TNR: variants seen among roughly 807,000 people sequenced by gnomAD.
TNR encodes the protein tenascin-R.
TNR carries 45 observed loss-of-function variants against 150.4 expected under a neutral mutation model. The ratio of observed to expected loss-of-function variants is 0.30; its 90% confidence interval spans 0.24 to 0.38. TNR has a LOEUF of 0.38. Ranked by LOEUF, TNR falls within the 10% of genes least tolerant of loss-of-function variation. The pLI is 1.00. For missense variants in TNR, 1,544 were observed against 1,759.1 expected (o/e 0.88, Z 2.19); for synonymous variants, 687 against 678.4 (o/e 1.01, Z -0.20).
At chr1:175,568,399 G>A (rs1302072246) in intron 1 of TNR, among the ~76,000 whole-genome samples, 1 of 151,982 alleles carries the variant, frequency 6.6e-6, no homozygotes, top group African/African-American at 2.4e-5. Context: ...AAGCTTTGTG[G>A]GCATTCCTCG....
intron 1 of TNR, among the ~76,000 whole-genome samples, chr1:175,718,116 G>C (rs1667202417): frequency 1.3e-5 from 2 of 152,194 alleles, no homozygotes; most frequent in South Asian, 4.1e-4. Flanking sequence ...TTTTTCAAGA[G>C]AGGGGCATGA....
At chr1:175,403,838 C>T (rs775857617) in intron 3 of TNR, among the ~76,000 whole-genome samples, 17 of 152,338 alleles carry the variant, frequency 1.1e-4, no homozygotes, top group Middle Eastern at 3.4e-3. Flanking sequence ...TGAATGAGAT[C>T]TGGGCCCTTG....
At chr1:175,541,342 G>T (rs1010737107) in intron 1 of TNR, among the ~76,000 whole-genome samples, 2 of 152,216 alleles carry the variant, frequency 1.3e-5, no homozygotes, top group Admixed American at 1.3e-4. Flanking sequence ...GCAGCTCCCT[G>T]CCCCTATGGC....
At chr1:175,404,229 G>C (rs1051591971) in intron 3 of TNR, among the ~76,000 whole-genome samples, 2 of 152,140 alleles carry the variant, frequency 1.3e-5, no homozygotes, top group Admixed American at 6.5e-5. Context: ...ATTTTGTGAG[G>C]GACCTAAGGA....
intron 1 of TNR, among the ~76,000 whole-genome samples, chr1:175,680,286 G>C (rs573848301): frequency 6.6e-6 from 1 of 152,284 alleles, no homozygotes; most frequent in African/African-American, 2.4e-5. Flanking sequence ...CTGCAGCTGA[G>C]AGTCTCAGAA....
chr1:175,654,998 A>G (rs1170889693), intron 1 of TNR, among the ~76,000 whole-genome samples: 1 of 152,190 alleles, frequency 6.6e-6, no homozygotes, highest in Non-Finnish European at 1.5e-5. Context: ...CTGGGATTAC[A>G]GGCGTGAGCC....
intron 1 of TNR, among the ~76,000 whole-genome samples, chr1:175,720,039 C>T (rs1161050256): frequency 1.3e-5 from 2 of 152,206 alleles, no homozygotes; most frequent in African/African-American, 4.8e-5. Flanking sequence ...CTGTTTCCAG[C>T]ACTGTCTCAC....
intron 1 of TNR, among the ~76,000 whole-genome samples, chr1:175,546,553 T>G (rs1452460892): frequency 6.6e-6 from 1 of 152,164 alleles, no homozygotes; most frequent in Non-Finnish European, 1.5e-5. Context: ...CAGAGTTGCT[T>G]TTCAGCGCTC....
At chr1:175,633,660 G>A (rs1419282573) in intron 1 of TNR, among the ~76,000 whole-genome samples, 6 of 152,128 alleles carry the variant, frequency 3.9e-5, no homozygotes, top group African/African-American at 1.2e-4. Flanking sequence ...GTGAATGGAT[G>A]GCCTCTTAGT....
chr1:175,492,807 T>C (rs1658318764), intron 2 of TNR, among the ~76,000 whole-genome samples: 1 of 152,174 alleles, frequency 6.6e-6, no homozygotes, highest in African/African-American at 2.4e-5. Flanking sequence ...TACATGGGGT[T>C]CATTGACAAT....
rs1245918016 is a variant in TNR, at chr1:175,323,432, G to A, written c.4002C>T (p.Pro1334=). 4 of 1,614,118 alleles carry A rather than the reference G, an allele frequency of 2.5e-6. No individual in the cohort carries two copies. Among genetic ancestry groups the A allele is most frequent in the East Asian group, 2.2e-5 (1 of 44,880 alleles). ...YHWKGHEFSI[P]FVEMKMRPYN... ...AGGGGCGCATCTTCATTTCCACAAA[G>A]GGGATGGAGAACTCATGGCCTTTCC... Residue 1334 remains proline (P), a synonymous_variant, in exon 23 of 23, where the codon CCC becomes CCT. Coordinates refer to ENST00000367674, the MANE Select transcript of TNR (RefSeq NM_003285.3).
chr1:175,660,101 G>A (rs1180295978), intron 1 of TNR, among the ~76,000 whole-genome samples: 1 of 152,076 alleles, frequency 6.6e-6, no homozygotes, highest in African/African-American at 2.4e-5. Context: ...TGACTTCAAA[G>A]CAGTGTCATC....
Position 175,324,525 on chromosome 1 carries a change from A to AAAAAGATAC in TNR, c.3794-15_3794-7dup, listed in dbSNP as rs770802626. ...ATGATAGCTGAGGGAGTCCCCTGCA[A>AAAAAGATAC]AAAAGATACATTCATTAGGCTGTCC... On this transcript the variant is annotated splice_region_variant and splice_polypyrimidine_tract_variant and intron_variant, in intron 21 of 22. Transcript: ENST00000367674. The AAAAAGATAC allele has an allele frequency of 6.2e-7, 1 of 1,613,180 alleles. No homozygotes were observed. Among genetic ancestry groups the AAAAAGATAC allele is most frequent in the Admixed American group, 1.7e-5 (1 of 59,944 alleles).
intron 1 of TNR, among the ~76,000 whole-genome samples, chr1:175,664,722 T>C (rs1464933475): frequency 6.6e-6 from 1 of 152,202 alleles, no homozygotes; most frequent in Non-Finnish European, 1.5e-5. Context: ...AATGAAAGAT[T>C]CAGGTTAGAA....
chr1:175,401,202 T>C (rs1012713671), intron 4 of TNR, among the ~76,000 whole-genome samples: 40 of 152,196 alleles, frequency 2.6e-4, no homozygotes, highest in Admixed American at 1.2e-3. Flanking sequence ...GATCAAGATT[T>C]TGTTTGCAAA....
At chr1:175,589,472 C>A (rs1662707688) in intron 1 of TNR, among the ~76,000 whole-genome samples, 1 of 152,156 alleles carries the variant, frequency 6.6e-6, no homozygotes, top group African/African-American at 2.4e-5. Flanking sequence ...CTCCCTGACT[C>A]TCATTTGATA....
Position 175,474,225 on chromosome 1 carries a change from C to T in TNR, c.-64+54044G>A, listed in dbSNP as rs112478172. Among the ~76,000 whole-genome samples the T allele has an allele frequency of 2.5e-3, 384 of 152,196 alleles. 3 individuals carry two copies. Among genetic ancestry groups the T allele is most frequent in the African/African-American group, 8.9e-3 (371 of 41,528 alleles). The stretch of plus-strand genomic sequence containing the variant: ...CCAAATTCCTAGGTTGAAGTCCTAA[C>T]TCTCAGAACCTCAGAATTTGACCAT... On this transcript the variant is annotated intron_variant, in intron 2 of 22. Transcript: ENST00000367674.
intron 2 of TNR, among the ~76,000 whole-genome samples, chr1:175,424,836 GT>G (rs1654901989): frequency 1.3e-5 from 2 of 152,242 alleles, no homozygotes; most frequent in Middle Eastern, 3.4e-3. Flanking sequence ...GTGGAGCACA[GT>G]AACCACTGGC....
intron 7 of TNR, among the ~76,000 whole-genome samples, chr1:175,387,270 CTTG>C (rs1652982663): frequency 6.6e-6 from 1 of 152,228 alleles, no homozygotes; most frequent in Admixed American, 6.5e-5. Context: ...CCAACATGCT[CTTG>C]CCTCCATGTT....
Sources: gnomAD v4.1 joint callset for allele counts (sites outside exome capture counted in the v4.1 genomes callset) on GRCh38, gnomAD v4.1.1 for gene constraint, MANE v1.5 for transcripts, NCBI Gene and HGNC (gene_info 2026-07-23, HGNC 2026-07-21) for gene names.